RFX7: variants seen among roughly 807,000 people sequenced by gnomAD.
The protein encoded by RFX7 is regulatory factor X7.
Under a neutral mutation model 111.8 loss-of-function variants are expected in RFX7, and 26 were observed. The ratio of observed to expected loss-of-function variants is 0.23; its 90% CI spans 0.17 to 0.32. The LOEUF (loss-of-function observed/expected upper bound fraction) is 0.32. Among genes scored for constraint, RFX7 ranks in the 10% least tolerant of loss-of-function variants. The pLI, the probability that RFX7 is intolerant of heterozygous loss-of-function variation, is 1.00. For synonymous variants in RFX7, 624 were observed against 624.4 expected, an observed-to-expected ratio of 1.00 and a Z score of 0.01; for missense variants, 1,573 against 1,772.9, an observed-to-expected ratio of 0.89 and a Z score of 2.02.
chr15:56,202,179 G>T (rs1247151786), intron 2 of RFX7, among the ~76,000 whole-genome samples: 6 of 152,152 alleles, frequency 3.9e-5, no homozygotes, highest in Non-Finnish European at 8.8e-5. Context: ...CGCGGGAGAA[G>T]TGCCTACAGT....
intron 2 of RFX7, among the ~76,000 whole-genome samples, chr15:56,201,070 G>T (rs1333631300): frequency 6.6e-6 from 1 of 152,144 alleles, no homozygotes; most frequent in Non-Finnish European, 1.5e-5. Context: ...GCATATCCAG[G>T]TAATGGTGCT....
rs747689247 is a variant in RFX7, at chr15:56,142,729, A to AT, written c.401+48dup. 95 of 1,551,342 alleles carry AT rather than the reference A, an allele frequency of 6.1e-5. 1 individual carries two copies. In the South Asian group the frequency reaches 8.4e-4, roughly 14 times the overall value. On this transcript the variant is annotated intron_variant, in intron 5 of 9. Coordinates refer to ENST00000559447, the MANE Select transcript of RFX7 (RefSeq NM_022841.7). ...ACAAATCACTATGGCCAAGTATAGT[A>AT]TTTTACCTCTTTAATATATCAGCAT...
intron 2 of RFX7, among the ~76,000 whole-genome samples, chr15:56,200,532 G>A (rs767398182): frequency 2.0e-5 from 3 of 151,826 alleles, no homozygotes; most frequent in Non-Finnish European, 2.9e-5. Flanking sequence ...AGAAAAAGTC[G>A]TAAAAGTGCT....
intron 2 of RFX7, among the ~76,000 whole-genome samples, chr15:56,238,982 C>T (rs1313211878): frequency 7.2e-5 from 11 of 151,820 alleles, no homozygotes; most frequent in African/African-American, 2.7e-4. Context: ...TACAGGCGCA[C>T]GATGCCACAC....
At chr15:56,150,487 T>C (rs963768527) in intron 3 of RFX7, among the ~76,000 whole-genome samples, 4 of 152,178 alleles carry the variant, frequency 2.6e-5, no homozygotes, top group African/African-American at 9.6e-5. Context: ...ATTGCTGCTC[T>C]GCAGCCTCCG....
intron 5 of RFX7, among the ~76,000 whole-genome samples, chr15:56,117,837 T>A (rs2042027891): frequency 6.6e-6 from 1 of 152,192 alleles, no homozygotes; most frequent in Admixed American, 6.5e-5. Context: ...TATTCCATTG[T>A]GTATATATAC....
Position 56,098,172 on chromosome 15 carries a change from T to C in RFX7, c.1016A>G (p.Asn339Ser), listed in dbSNP as rs558796997. ...AAKKSESATS[N>S]GVTNLPNGNP... ...TCCATTAGGAAGATTAGTCACTCCA[T>C]TGCTTGTAGCACTTTCTGACTTTTT... is the stretch of plus-strand genomic sequence containing the variant. Residue 339 changes from asparagine to serine, a missense_variant, in exon 9 of 10, where the codon AAT becomes AGT. Coordinates refer to ENST00000559447, the MANE Select transcript of RFX7 (RefSeq NM_022841.7). 5.0e-5 allele frequency: 81 copies of C among 1,613,944 alleles called. No individual in the cohort carries two copies. The highest frequency in any genetic ancestry group is 1.1e-4 in the African/African-American group (8 of 75,052).
intron 2 of RFX7, among the ~76,000 whole-genome samples, chr15:56,235,872 AT>A (rs1225856570): frequency 6.6e-6 from 1 of 152,010 alleles, no homozygotes; most frequent in African/African-American, 2.4e-5. Flanking sequence ...CAGATAATTT[AT>A]TTTTTTTATT....
At chr15:56,181,175 T>A (rs369828220) in intron 2 of RFX7, among the ~76,000 whole-genome samples, 13 of 152,364 alleles carry the variant, frequency 8.5e-5, no homozygotes, top group East Asian at 3.9e-4. Context: ...ACTAGTCTAT[T>A]CTTCATTCAT....
intron 5 of RFX7, among the ~76,000 whole-genome samples, chr15:56,114,448 A>G (rs1374202094): frequency 6.6e-6 from 1 of 151,624 alleles, no homozygotes; most frequent in African/African-American, 2.4e-5. Context: ...CAACAAAAAA[A>G]CAACAGAAAA....
At chr15:56,162,434 C>T (rs1450530677) in intron 3 of RFX7, among the ~76,000 whole-genome samples, 2 of 151,966 alleles carry the variant, frequency 1.3e-5, no homozygotes, top group African/African-American at 4.8e-5. Flanking sequence ...TTATGTCATT[C>T]TTTGAATATA....
intron 5 of RFX7, among the ~76,000 whole-genome samples, chr15:56,119,260 C>T (rs1251357146): frequency 6.6e-6 from 1 of 152,138 alleles, no homozygotes; most frequent in Non-Finnish European, 1.5e-5. Context: ...GAAATTTTTG[C>T]ACAGTGCAAT....
intron 2 of RFX7, among the ~76,000 whole-genome samples, chr15:56,186,471 C>T (rs1366530726): frequency 6.6e-6 from 1 of 152,064 alleles, no homozygotes; most frequent in African/African-American, 2.4e-5. Flanking sequence ...TGATTTGAAG[C>T]TTTTATATAC....
chr15:56,172,241 T>C (rs1451384751), intron 3 of RFX7, among the ~76,000 whole-genome samples: 2 of 152,008 alleles, frequency 1.3e-5, no homozygotes, highest in Non-Finnish European at 2.9e-5. Flanking sequence ...GTTACTGGGG[T>C]TCAAAACTGA....
chr15:56,144,343 A>G, intron 4 of RFX7, 58 bp downstream of exon 4: 2 of 920,074 alleles, frequency 2.2e-6, no homozygotes, highest in Non-Finnish European at 1.5e-6. Flanking sequence ...GACCTCACAT[A>G]TATCCTAGGG....
chr15:56,122,572 C>T (rs1424137460), intron 5 of RFX7, among the ~76,000 whole-genome samples: 1 of 152,222 alleles, frequency 6.6e-6, no homozygotes, highest in Non-Finnish European at 1.5e-5. Flanking sequence ...TAGGGCTCTA[C>T]AATCAGCAGT....
intron 2 of RFX7, among the ~76,000 whole-genome samples, chr15:56,183,402 G>A (rs1423368769): frequency 6.6e-6 from 1 of 152,004 alleles, no homozygotes; most frequent in Non-Finnish European, 1.5e-5. Context: ...AAGTTTTGAA[G>A]TTAGCTTTTC....
At chr15:56,244,947 G>A (rs2043811883), upstream of RFX7, among the ~76,000 whole-genome samples, 1 of 152,176 alleles carries the variant, frequency 6.6e-6, no homozygotes, top group Non-Finnish European at 1.5e-5. Context: ...GAATACAACA[G>A]CCAAGGCCTC....
At chr15:56,226,062 G>C (rs1178215942) in intron 2 of RFX7, among the ~76,000 whole-genome samples, 2 of 152,032 alleles carry the variant, frequency 1.3e-5, no homozygotes, top group African/African-American at 4.8e-5. Context: ...AAAGGGGATG[G>C]AGAAAAATTC....
Sources: gnomAD v4.1 joint callset for allele counts (sites outside exome capture counted in the v4.1 genomes callset) on GRCh38, gnomAD v4.1.1 for gene constraint, MANE v1.5 for transcripts, NCBI Gene and HGNC (gene_info 2026-07-23, HGNC 2026-07-21) for gene names.